The following DIAPH3 variants were observed in gnomAD, a reference collection of about 807,000 sequenced individuals.
The protein encoded by DIAPH3 is diaphanous related formin 3.
Under a neutral mutation model 144.3 loss-of-function variants are expected in DIAPH3, and 117 were observed. That is an observed-to-expected ratio of 0.81 (90% CI 0.70 to 0.95). DIAPH3 has a LOEUF of 0.95. Among genes scored for constraint, DIAPH3 ranks in the 40% least tolerant of loss-of-function variants. The probability of loss-of-function intolerance (pLI) is 0.00; values close to 1 mark genes in which losing one functional copy is unlikely to be tolerated. For synonymous variants in DIAPH3, 519 were observed against 488.9 expected (o/e 1.06, Z -0.81); for missense variants, 1,421 against 1,412.7 (o/e 1.01, Z -0.09).
chr13:59,705,218 T>C (rs1163998674), intron 27 of DIAPH3, among the ~76,000 whole-genome samples: 1 of 151,988 alleles, frequency 6.6e-6, no homozygotes, highest in Non-Finnish European at 1.5e-5. Flanking sequence ...AAAAACAAAA[T>C]AACCACCTAC....
In DIAPH3 at chr13:59,871,273, T is replaced by A. The variant is rs2044260817; in HGVS notation, c.2607+7956A>T. ...AAGAGTTTTGTTTATTCTGCCCCAATCTTTATAGCTTTTATTTTTCTTGTC... is the reference window on the plus strand; with the variant it reads ...AAGAGTTTTGTTTATTCTGCCCCAAACTTTATAGCTTTTATTTTTCTTGTC... On this transcript the variant is annotated intron_variant, in intron 21 of 27. Coordinates refer to ENST00000400324, the MANE Select transcript of DIAPH3 (RefSeq NM_001042517.2). Among the ~76,000 whole-genome samples, 3 of 151,400 alleles carry A rather than the reference T, an allele frequency of 2.0e-5. No homozygotes were observed. In the South Asian group the frequency reaches 6.3e-4, roughly 32 times the overall value.
chr13:59,892,338 TGGGATTAAAGAAACA>T (rs1038066137), intron 20 of DIAPH3, among the ~76,000 whole-genome samples: 3 of 151,842 alleles, frequency 2.0e-5, no homozygotes, highest in Non-Finnish European at 4.4e-5. Flanking sequence ...TAGTAAAAGT[TGGGATTAAAGAAACA>T]GAGACTACAT....
intron 27 of DIAPH3, among the ~76,000 whole-genome samples, chr13:59,676,778 A>G (rs2032665846): frequency 6.6e-6 from 1 of 152,194 alleles, no homozygotes; most frequent in African/African-American, 2.4e-5. Flanking sequence ...CTTCAGGTTG[A>G]TTTTTGATAT....
chr13:60,114,999 A>C (rs1371008027), intron 2 of DIAPH3, among the ~76,000 whole-genome samples: 1 of 152,230 alleles, frequency 6.6e-6, no homozygotes, highest in Non-Finnish European at 1.5e-5. Flanking sequence ...TACCAATAAC[A>C]TAAACAGTCA....
chr13:59,796,615 C>T (rs1434787824), intron 25 of DIAPH3, among the ~76,000 whole-genome samples: 1 of 152,170 alleles, frequency 6.6e-6, no homozygotes, highest in Non-Finnish European at 1.5e-5. Context: ...TATGTGCATA[C>T]AGATATATTT....
chr13:60,016,295 A>C, intron 5 of DIAPH3, 150 bp from the exon 6 acceptor site: 1 of 797,886 alleles, frequency 1.3e-6, no homozygotes, highest in Non-Finnish European at 2.0e-6. Context: ...TTCATGACTC[A>C]TCTTAGTTGT....
At chr13:60,052,471 G>A (rs2141251177) in intron 4 of DIAPH3, among the ~76,000 whole-genome samples, 1 of 152,246 alleles carries the variant, frequency 6.6e-6, no homozygotes, top group African/African-American at 2.4e-5. Context: ...GGATGATGGA[G>A]GTGGTAGTAG....
In DIAPH3 at chr13:59,741,665, C is replaced by T. The variant is rs181354009; in HGVS notation, c.3319+32524G>A. Among the ~76,000 whole-genome samples, 109 of 146,058 alleles carry T rather than the reference C, an allele frequency of 7.5e-4. 1 individual carries two copies. The highest frequency in any genetic ancestry group is 2.6e-3 in the African/African-American group (101 of 39,284). ...CCAGGAGGTTGAGGCTGCAGTAAGC[C>T]GTGATTGCACCACTGCCTTCCAGCC... On this transcript the variant is annotated intron_variant, in intron 27 of 27. Coordinates refer to ENST00000400324, the MANE Select transcript of DIAPH3 (RefSeq NM_001042517.2).
At position 59,911,583 on chromosome 13, in the gene DIAPH3, C is replaced by A. The variant is rs867647553; in HGVS notation, c.2367+152G>T. 18 of 650,158 alleles carry A rather than the reference C, an allele frequency of 2.8e-5. No homozygotes were observed. The Middle Eastern group carries it at 2.5e-3, about 89-fold the overall frequency. 40.3% of individuals were successfully genotyped at this position (650,158 alleles called of 1,614,324 possible). ...TATATATTTTAAATCAAGGTAATTTCACATGAATATCCTTAAGTTAAAAAA... is the reference window on the plus strand; with the variant it reads ...TATATATTTTAAATCAAGGTAATTTAACATGAATATCCTTAAGTTAAAAAA... On this transcript the variant is annotated intron_variant, in intron 20 of 27. Coordinates refer to ENST00000400324, the MANE Select transcript of DIAPH3 (RefSeq NM_001042517.2).
At chr13:60,117,668 A>G (rs2058735377) in intron 2 of DIAPH3, among the ~76,000 whole-genome samples, 1 of 152,140 alleles carries the variant, frequency 6.6e-6, no homozygotes, top group Admixed American at 6.5e-5. Flanking sequence ...TTCCATTCAC[A>G]CATGGAAAAA....
intron 20 of DIAPH3, among the ~76,000 whole-genome samples, chr13:59,908,324 TCGTG>T (rs2046834510): frequency 7.6e-6 from 1 of 131,228 alleles, no homozygotes; most frequent in African/African-American, 2.9e-5. Context: ...TGAGCCGAGA[TCGTG>T]CCACTGTACT....
intron 20 of DIAPH3, among the ~76,000 whole-genome samples, chr13:59,904,801 C>G (rs888345819): frequency 6.6e-6 from 1 of 151,864 alleles, no homozygotes; most frequent in Non-Finnish European, 1.5e-5. Context: ...CAAATATTTA[C>G]AAGAGTAGCG....
intron 25 of DIAPH3, among the ~76,000 whole-genome samples, chr13:59,784,002 G>A (rs2139351388): frequency 6.6e-6 from 1 of 152,296 alleles, no homozygotes; most frequent in South Asian, 2.1e-4. Context: ...TTTACTTTGT[G>A]TGTGCTTTTA....
intron 25 of DIAPH3, among the ~76,000 whole-genome samples, chr13:59,796,048 T>C (rs954231373): frequency 1.3e-5 from 2 of 152,136 alleles, no homozygotes. Flanking sequence ...CTAGCTAAAA[T>C]GAGGGGTTTG....
intron 27 of DIAPH3, among the ~76,000 whole-genome samples, chr13:59,762,052 C>CTTTTTTTTTTTTTTTTTTTTTTTTTTTTT (rs35387511): frequency 3.4e-5 from 2 of 59,520 alleles, no homozygotes; most frequent in Middle Eastern, 0.011. Context: ...GCGTCAGCAT[C>CTTTTTTTTTTTTTTTTTTTTTTTTTTTTT]TTTTTTTTTT....
intron 20 of DIAPH3, among the ~76,000 whole-genome samples, chr13:59,887,772 C>CT (rs1387759984): frequency 1.3e-5 from 2 of 151,844 alleles, no homozygotes. Context: ...TTTTTGTACA[C>CT]TTTTTCTAGA....
chr13:59,987,836 T>G (rs896271519), intron 12 of DIAPH3, among the ~76,000 whole-genome samples: 9 of 150,548 alleles, frequency 6.0e-5, no homozygotes, highest in Non-Finnish European at 1.2e-4. Context: ...AAAGATTTAA[T>G]AAATGTAAAT....
chr13:60,148,583 T>G (rs1270179122), intron 1 of DIAPH3, among the ~76,000 whole-genome samples: 1 of 151,480 alleles, frequency 6.6e-6, no homozygotes, highest in Non-Finnish European at 1.5e-5. Flanking sequence ...AAAGAGAAAA[T>G]CAAAGAGATT....
intron 20 of DIAPH3, among the ~76,000 whole-genome samples, chr13:59,900,601 G>A (rs2046375791): frequency 6.6e-6 from 1 of 152,106 alleles, no homozygotes; most frequent in African/African-American, 2.4e-5. Context: ...CCCTCTCCAG[G>A]GAGAAGACTG....
Sources: allele counts gnomAD v4.1 joint callset (sites outside exome capture counted in the v4.1 genomes callset), GRCh38; gene constraint gnomAD v4.1.1; transcripts MANE v1.5; gene names NCBI Gene and HGNC (gene_info 2026-07-23, HGNC 2026-07-21).